The following ZNF382 variants were observed in gnomAD, a reference collection of about 807,000 sequenced individuals.
ZNF382 encodes KRAB/zinc finger suppressor protein 1.
ZNF382 carries 20 observed loss-of-function variants against 38.8 expected under a neutral mutation model. That is an observed-to-expected ratio of 0.51 (90% CI 0.36 to 0.75). The LOEUF is 0.75. ZNF382 is among the 30% of genes least tolerant of loss of function. The pLI is 0.00. For missense variants in ZNF382, 546 were observed against 654.1 expected (o/e 0.83, Z 1.80); for synonymous variants, 202 against 223.1 (o/e 0.91, Z 0.84).
chr19:36,617,364 A>G (rs1201853686), intron 4 of ZNF382, among the ~76,000 whole-genome samples: 2 of 152,184 alleles, frequency 1.3e-5, no homozygotes, highest in Non-Finnish European at 2.9e-5. Context: ...CTCAGAATCT[A>G]AGGAATCAAA....
chr19:36,605,520 C>T (rs1392380624), intron 1 of ZNF382, 173 bp downstream of exon 1: 1 of 152,284 alleles, frequency 6.6e-6, no homozygotes, highest in Non-Finnish European at 1.5e-5. Flanking sequence ...ACGCTCCGAT[C>T]TGTACGAGCC....
chr19:36,609,265 A>G (rs962359719), intron 2 of ZNF382: 2 of 152,206 alleles, frequency 1.3e-5, no homozygotes, highest in African/African-American at 4.8e-5. Context: ...AAATAGCTAC[A>G]ATGTTGGGAA....
chr19:36,618,414 T>C (rs2037142486), intron 4 of ZNF382, among the ~76,000 whole-genome samples: 1 of 152,220 alleles, frequency 6.6e-6, no homozygotes, highest in Non-Finnish European at 1.5e-5. Context: ...TGAGGATGGC[T>C]TATGCCAACT....
chr19:36,620,022 C>T (rs766189639), intron 4 of ZNF382, among the ~76,000 whole-genome samples: 3 of 152,054 alleles, frequency 2.0e-5, no homozygotes, highest in Non-Finnish European at 4.4e-5. Context: ...TGAGCCACTG[C>T]GCCTGGCCTG....
intron 4 of ZNF382, among the ~76,000 whole-genome samples, chr19:36,619,865 G>A (rs2967425): frequency 0.038 from 5,813 of 151,856 alleles, 368 homozygotes; most frequent in African/African-American, 0.13. Context: ...TGAGTAGCTG[G>A]GACTGCAGGC....
chr19:36,614,914 C>CCTTTCCGT (rs1555793084), intron 4 of ZNF382, among the ~76,000 whole-genome samples: 12 of 90,788 alleles, frequency 1.3e-4, no homozygotes, highest in Non-Finnish European at 2.7e-4. Context: ...CTTTCCTTTC[C>CCTTTCCGT]TTCCCTTTCC....
In ZNF382 at chr19:36,627,621, T is replaced by A; in HGVS notation, c.*71T>A. 2 of 1,194,006 alleles carry A rather than the reference T, an allele frequency of 1.7e-6. No individual in the cohort carries two copies. The highest frequency in any genetic ancestry group is 2.4e-6 in the Non-Finnish European group (2 of 831,602). The allele number at this position is 1,194,006 out of a possible 1,614,324, so 74.0% of individuals were successfully genotyped here. A position where few individuals can be genotyped will look rare whatever the true frequency, so the allele number is the denominator to read the frequency against. On this transcript the variant is annotated 3_prime_UTR_variant, in exon 5 of 5. Transcript: ENST00000292928. ...CTGTAGATGATGTTGCTTGCAAGCG[T>A]AATATCCAACAGTTTAAGGTACTAT...
chr19:36,607,972 C>T (rs1016331554), intron 2 of ZNF382: 2 of 234,816 alleles, frequency 8.5e-6, no homozygotes, highest in Non-Finnish European at 1.6e-5. Flanking sequence ...TCTCCTTTCT[C>T]AGTCTTCTCA....
At chr19:36,624,020 C>T (rs755376747) in intron 4 of ZNF382, among the ~76,000 whole-genome samples, 31 of 151,576 alleles carry the variant, frequency 2.0e-4, no homozygotes, top group Admixed American at 1.4e-3. Flanking sequence ...ACCTGGGAGG[C>T]GGAGGTTGCA....
chr19:36,626,770 A>G lies in ZNF382; in HGVS notation c.873A>G (p.Thr291=). ...TTATTATGCCTCAGAGACCTCAAAC[A>G]GAAGAGAAACCCTTTCACTGTCCTT... ...PVFIMPQRPQ[T]EEKPFHCPYC... Residue 291 remains threonine (T), a synonymous_variant, in exon 5 of 5, where the codon ACA becomes ACG. Coordinates refer to ENST00000292928, the MANE Select transcript of ZNF382 (RefSeq NM_032825.5). The G allele has an allele frequency of 6.2e-7, 1 of 1,614,252 alleles. No individual in the cohort carries two copies. Among genetic ancestry groups the G allele is most frequent in the South Asian group, 1.1e-5 (1 of 91,086 alleles).
At chr19:36,606,004 ATG>A (rs1224003661) in intron 1 of ZNF382, among the ~76,000 whole-genome samples, 10 of 152,244 alleles carry the variant, frequency 6.6e-5, no homozygotes, top group Non-Finnish European at 1.2e-4. Context: ...GTGACTCTGC[ATG>A]TGTTTGTAAC....
At chr19:36,625,089 A>AATATATATATATATATATAATAT (rs2037199821) in intron 4 of ZNF382, among the ~76,000 whole-genome samples, 1 of 42,972 alleles carries the variant, frequency 2.3e-5, no homozygotes, top group Non-Finnish European at 4.7e-5. Context: ...AATGAATTTA[A>AATATATATATATATATATAATAT]ATATATATAT....
At chr19:36,624,526 AT>A (rs1022637837) in intron 4 of ZNF382, among the ~76,000 whole-genome samples, 16 of 152,134 alleles carry the variant, frequency 1.1e-4, no homozygotes, top group Non-Finnish European at 1.8e-4. Flanking sequence ...ATATACAATA[AT>A]TTTTTTTAAA....
chr19:36,622,454 G>A (rs769602064), intron 4 of ZNF382, among the ~76,000 whole-genome samples: 10 of 152,212 alleles, frequency 6.6e-5, no homozygotes, highest in Non-Finnish European at 1.2e-4. Context: ...CTGGGAAAGT[G>A]CCAAACATGC....
At chr19:36,608,620 G>C (rs1057385526) in intron 2 of ZNF382, 1 of 152,232 alleles carries the variant, frequency 6.6e-6, no homozygotes, top group East Asian at 1.9e-4. Flanking sequence ...CACTCTGAAG[G>C]CTACACTTAG....
intron 4 of ZNF382, among the ~76,000 whole-genome samples, chr19:36,617,002 T>TGGAGCAGTGGGAAAAGAGAGGTCTTACA (rs2037130999): frequency 6.6e-6 from 1 of 150,526 alleles, no homozygotes; most frequent in South Asian, 2.1e-4. Flanking sequence ...GAAGGAGGAG[T>TGGAGCAGTGGGAAAAGAGAGGTCTTACA]GGAGCAGTGG....
At chr19:36,614,220 G>C (rs1240093614) in intron 4 of ZNF382, among the ~76,000 whole-genome samples, 4 of 152,034 alleles carry the variant, frequency 2.6e-5, no homozygotes, top group Non-Finnish European at 5.9e-5. Flanking sequence ...CATGCCTGTA[G>C]TCCCAGCTAC....
At chr19:36,609,143 A>G (rs1473577655) in intron 2 of ZNF382, 1 of 152,262 alleles carries the variant, frequency 6.6e-6, no homozygotes, top group East Asian at 1.9e-4. Flanking sequence ...CATGCCTCAC[A>G]GTAGAATGTA....
chr19:36,612,143 C>T (rs2037082537), intron 4 of ZNF382, among the ~76,000 whole-genome samples: 1 of 152,246 alleles, frequency 6.6e-6, no homozygotes, highest in African/African-American at 2.4e-5. Context: ...CACCAGGCCT[C>T]TTCCAACTCA....
Sources: gnomAD v4.1 joint callset for allele counts (sites outside exome capture counted in the v4.1 genomes callset) on GRCh38, gnomAD v4.1.1 for gene constraint, MANE v1.5 for transcripts, NCBI Gene and HGNC (gene_info 2026-07-23, HGNC 2026-07-21) for gene names.